The following LMF1 variants were observed in gnomAD, a reference collection of about 807,000 sequenced individuals.
LMF1 encodes lipase maturation factor 1, also known as transmembrane protein 112.
In LMF1, 68 loss-of-function variants were observed where a neutral mutation model predicts 60.6. The observed-to-expected ratio is 1.12, with a 90% CI of 0.92 to 1.37. LMF1 has a LOEUF of 1.37. Among genes scored for constraint, LMF1 ranks in the 40% most tolerant of loss-of-function variants. LMF1 has a pLI of 0.00. For missense variants in LMF1, 948 were observed against 767.2 expected (o/e 1.24, Z -2.78); for synonymous variants, 418 against 324.7 (o/e 1.29, Z -3.09).
intron 6 of LMF1, among the ~76,000 whole-genome samples, chr16:876,802 C>CTGAT (rs201092322): frequency 0.01 from 1,579 of 151,942 alleles, 26 homozygotes; most frequent in African/African-American, 0.035. Flanking sequence ...GTTAACATGG[C>CTGAT]TGATTGATTG....
chr16:915,202 G>C (rs2071247202), intron 3 of LMF1, among the ~76,000 whole-genome samples: 1 of 152,262 alleles, frequency 6.6e-6, no homozygotes, highest in South Asian at 2.1e-4. Context: ...TGACTCTGGG[G>C]ACATTCAGGC....
intron 5 of LMF1, among the ~76,000 whole-genome samples, chr16:883,443 G>A (rs1423052417): frequency 6.6e-6 from 1 of 152,236 alleles, no homozygotes; most frequent in Non-Finnish European, 1.5e-5. Flanking sequence ...GGGGTGTGTT[G>A]GGCAATAGCA....
At position 869,003 on chromosome 16, in the gene LMF1, G is replaced by A. The variant is rs34934602; in HGVS notation, c.1470C>T (p.Ser490=). The change falls in exon 10 of 11, where the codon AGC becomes AGT. Residue 490 remains serine, a synonymous_variant. Transcript: ENST00000262301. ...CCAGCAGGGACAAGGCCTCGGCGTC[G>A]CTGGCCAGGAGCTTGCCAGCCAGGT... ...IIHLAGKLLA[S]DAEALSLLAH... 1.0e-4 allele frequency: 169 copies of A among 1,612,538 alleles called. 1 individual carries two copies. The highest frequency in any genetic ancestry group is 1.2e-4 in the Admixed American group (7 of 60,024).
chr16:868,072 G>A (rs1567148890), intron 10 of LMF1, among the ~76,000 whole-genome samples: 1 of 152,140 alleles, frequency 6.6e-6, no homozygotes, highest in Non-Finnish European at 1.5e-5. Context: ...TCCAGACTCT[G>A]CTCTGTTCCT....
rs139825245 is a variant in LMF1, at chr16:954,443, G to A, written c.417C>T (p.Phe139=). 1,105 of 1,612,924 alleles carry A rather than the reference G, an allele frequency of 6.9e-4. 1 individual carries two copies. Among genetic ancestry groups the A allele is most frequent in the Non-Finnish European group, 8.4e-4 (992 of 1,179,622 alleles). Residue 139 remains phenylalanine (F), a synonymous_variant, in exon 2 of 11, where the codon TTC becomes TTT. Coordinates refer to ENST00000262301, the MANE Select transcript of LMF1 (RefSeq NM_022773.4). Reference sequence around the variant, plus strand: ...TGTTGGCGCAGCCCGTGATCAGTACGAAAGACGAGATGCCCAGTCCGAGAA... The same window carrying A: ...TGTTGGCGCAGCCCGTGATCAGTACAAAAGACGAGATGCCCAGTCCGAGAA... ...LALLGLGISS[F]VLITGCANML...
At chr16:875,339 G>A (rs1353478785) in intron 6 of LMF1, among the ~76,000 whole-genome samples, 1 of 152,086 alleles carries the variant, frequency 6.6e-6, no homozygotes, top group Non-Finnish European at 1.5e-5. Context: ...GAGGGTCCCT[G>A]TCTGCCTGCA....
chr16:880,222 C>T (rs2070123664), intron 5 of LMF1, among the ~76,000 whole-genome samples: 1 of 152,104 alleles, frequency 6.6e-6, no homozygotes, highest in Admixed American at 6.5e-5. Flanking sequence ...GGAATGGGGC[C>T]CGGGTCCCGA....
intron 3 of LMF1, 56 bp from the exon 4 acceptor site, chr16:911,135 G>C (rs1036019586): frequency 2.2e-5 from 35 of 1,566,682 alleles, no homozygotes; most frequent in Admixed American, 5.6e-5. Flanking sequence ...ATTTCACAAA[G>C]AAATCATTTC....
intron 3 of LMF1, among the ~76,000 whole-genome samples, chr16:913,232 T>C (rs2071171866): frequency 6.6e-6 from 1 of 152,246 alleles, no homozygotes. Context: ...TTCCACCTCG[T>C]GCTGTGCTGG....
intron 5 of LMF1, among the ~76,000 whole-genome samples, chr16:891,057 C>T (rs1478780774): frequency 6.6e-6 from 1 of 152,242 alleles, no homozygotes; most frequent in African/African-American, 2.4e-5. Context: ...CAGTCCTGGG[C>T]CTTTAAGGCA....
chr16:876,877 CGAGA>C (rs796676254), intron 6 of LMF1, among the ~76,000 whole-genome samples: 10 of 152,074 alleles, frequency 6.6e-5, no homozygotes, highest in South Asian at 6.2e-4. Flanking sequence ...CAGAAAAAAA[CGAGA>C]GAGAAAGATA....
intron 3 of LMF1, among the ~76,000 whole-genome samples, chr16:916,822 G>C (rs1405914941): frequency 6.6e-6 from 1 of 152,244 alleles, no homozygotes; most frequent in East Asian, 1.9e-4. Context: ...AGCAAATGAA[G>C]GTATGTCAGG....
At chr16:975,662 C>G (rs2073121763), upstream of LMF1, 3 of 386,608 alleles carry the variant, frequency 7.8e-6, no homozygotes, top group South Asian at 3.9e-5. Context: ...AGGAAGCACG[C>G]TCCCTGCTCC....
intron 2 of LMF1, among the ~76,000 whole-genome samples, chr16:948,490 TGACAGAGTCAGCCAAC>T: frequency 1.1e-5 from 1 of 92,566 alleles, no homozygotes; most frequent in South Asian, 3.7e-4. Flanking sequence ...TCAGAGCCAA[TGACAGAGTCAGCCAAC>T]GACAGAGTCA....
At chr16:958,780 G>A (rs2573132) in intron 1 of LMF1, among the ~76,000 whole-genome samples, 20,646 of 152,096 alleles carry the variant, frequency 0.14, 1,691 homozygotes, top group African/African-American at 0.23. Context: ...CCAGCTACTC[G>A]CAAGGCTGAG....
At chr16:901,860 G>A (rs2070821300) in intron 4 of LMF1, 1 of 152,138 alleles carries the variant, frequency 6.6e-6, no homozygotes, top group Admixed American at 6.6e-5. Context: ...TGATGGCTCT[G>A]GCCCAGCCCC....
chr16:981,172 G>T (rs777651668), exon 1 of LMF1: 1 of 454,426 alleles, frequency 2.2e-6, no homozygotes, highest in African/African-American at 2.0e-5. Context: ...GCAGACTCTG[G>T]ACGAGCTGGG....
chr16:975,011 G>A (rs1156537125), upstream of LMF1, among the ~76,000 whole-genome samples: 5 of 151,676 alleles, frequency 3.3e-5, no homozygotes, highest in Non-Finnish European at 5.9e-5. Flanking sequence ...ACTGTCCAGC[G>A]GCCAACCCCC....
intron 3 of LMF1, among the ~76,000 whole-genome samples, chr16:914,462 C>T (rs1193841518): frequency 2.0e-5 from 3 of 152,044 alleles, no homozygotes; most frequent in East Asian, 3.9e-4. Context: ...GCCCCGTGAT[C>T]GCTCCAGCTC....
Sources: gnomAD v4.1 joint callset for allele counts (sites outside exome capture counted in the v4.1 genomes callset) on GRCh38, gnomAD v4.1.1 for gene constraint, MANE v1.5 for transcripts, NCBI Gene and HGNC (gene_info 2026-07-23, HGNC 2026-07-21) for gene names.